SNX13: variants seen among roughly 807,000 people sequenced by gnomAD.
The protein encoded by SNX13 is sorting nexin-13.
Under a neutral mutation model 133.6 loss-of-function variants are expected in SNX13, and 45 were observed. The observed-to-expected ratio is 0.34, with a 90% CI of 0.27 to 0.43. The LOEUF (loss-of-function observed/expected upper bound fraction) is 0.43. Ranked by LOEUF, SNX13 falls within the 20% of genes least tolerant of loss-of-function variation. The pLI, the probability that SNX13 is intolerant of heterozygous loss-of-function variation, is 1.00. For missense variants in SNX13, 1,032 were observed against 1,145.1 expected (o/e 0.90, Z 1.43); for synonymous variants, 414 against 373.9 (o/e 1.11, Z -1.24).
rs568071555 is a variant in SNX13 at position 17,849,374 on chromosome 7, T to C, written c.1065+973A>G. Reference sequence around the variant, plus strand: ...CTCTAATCGCTTCTCACAACCTCCATAGACATCTCTTATCTAGTTTTAAAT... The same window carrying C: ...CTCTAATCGCTTCTCACAACCTCCACAGACATCTCTTATCTAGTTTTAAAT... On this transcript the variant is annotated intron_variant, in intron 11 of 25. Transcript: ENST00000428135. Among the ~76,000 whole-genome samples the C allele has an allele frequency of 1.5e-4, 23 of 152,312 alleles. No homozygotes were observed. In the South Asian group the frequency reaches 1.7e-3, roughly 11 times the overall value.
intron 9 of SNX13, among the ~76,000 whole-genome samples, chr7:17,853,900 C>T (rs1289818726): frequency 6.6e-6 from 1 of 151,716 alleles, no homozygotes; most frequent in African/African-American, 2.4e-5. Context: ...AAAATCGTGC[C>T]ACTGCACTCC....
Position 17,845,639 on chromosome 7 carries a change from AG to A in SNX13, c.1120del (p.Leu374TrpfsTer6). On this transcript the variant is annotated frameshift_variant, in exon 12 of 26. Coordinates refer to ENST00000428135, the MANE Select transcript of SNX13 (RefSeq NM_015132.5). LOFTEE classifies it high-confidence loss of function. ...AACATTGTCTACAAGAATGCTGTCCAGGGGGACTGTGCAAAGTTTCCCAAAG... is the reference window on the plus strand; with the variant it reads ...AACATTGTCTACAAGAATGCTGTCCAGGGGACTGTGCAAAGTTTCCCAAAG... ...ANFGKLCTVP[L>X]DSILVDNVAL... 6.2e-7 allele frequency: 1 copy of A among 1,604,422 alleles called. No homozygotes were observed. Among genetic ancestry groups the A allele is most frequent in the Non-Finnish European group, 8.5e-7 (1 of 1,175,570 alleles).
intron 20 of SNX13, among the ~76,000 whole-genome samples, chr7:17,804,518 G>T (rs1040626576): frequency 1.3e-5 from 2 of 151,834 alleles, no homozygotes; most frequent in African/African-American, 4.8e-5. Context: ...GACTGTAAAA[G>T]GAAATATGAC....
intron 1 of SNX13, among the ~76,000 whole-genome samples, chr7:17,929,238 A>G (rs1801123471): frequency 6.6e-6 from 1 of 152,112 alleles, no homozygotes; most frequent in Non-Finnish European, 1.5e-5. Flanking sequence ...AAAGGAATAG[A>G]GAGAGATATA....
intron 1 of SNX13, among the ~76,000 whole-genome samples, chr7:17,898,550 C>A (rs932679323): frequency 2.6e-5 from 4 of 152,128 alleles, no homozygotes; most frequent in Non-Finnish European, 2.9e-5. Context: ...AATCTACATT[C>A]TAGTAAGGAA....
chr7:17,911,278 G>A (rs747077197), intron 1 of SNX13, among the ~76,000 whole-genome samples: 2 of 152,276 alleles, frequency 1.3e-5, no homozygotes. Flanking sequence ...GAATGTATCT[G>A]AAAAACAAAG....
chr7:17,920,539 T>C (rs1022394960), intron 1 of SNX13, among the ~76,000 whole-genome samples: 1 of 152,330 alleles, frequency 6.6e-6, no homozygotes, highest in East Asian at 1.9e-4. Flanking sequence ...GATGCTCTTA[T>C]ATTTCAAAGT....
chr7:17,932,221 C>A (rs1416373191), intron 1 of SNX13, among the ~76,000 whole-genome samples: 1 of 152,064 alleles, frequency 6.6e-6, no homozygotes, highest in Non-Finnish European at 1.5e-5. Context: ...AAAACAAAAT[C>A]CAAGTCCCTC....
chr7:17,892,859 T>C (rs1796775684), intron 3 of SNX13, among the ~76,000 whole-genome samples: 1 of 152,130 alleles, frequency 6.6e-6, no homozygotes, highest in South Asian at 2.1e-4. Flanking sequence ...GAAAAAATAA[T>C]AGCACCATTC....
At chr7:17,913,379 TCACCCTCACCAAAGGTGAGCA>T (rs752833241) in intron 1 of SNX13, among the ~76,000 whole-genome samples, 3 of 152,088 alleles carry the variant, frequency 2.0e-5, no homozygotes, top group Non-Finnish European at 4.4e-5. Flanking sequence ...TCCAGAAGCT[TCACCCTCACCAAAGGTGAGCA>T]CACCCTCACC....
chr7:17,901,523 A>G (rs1054835442), intron 1 of SNX13, among the ~76,000 whole-genome samples: 1 of 152,132 alleles, frequency 6.6e-6, no homozygotes, highest in African/African-American at 2.4e-5. Context: ...GGACTGGTCC[A>G]AATGCTTCAT....
At position 17,868,542 on chromosome 7, in the gene SNX13, C is replaced by G. The variant is rs949792293; in HGVS notation, c.754-52G>C. On this transcript the variant is annotated intron_variant, in intron 8 of 25. Transcript: ENST00000428135. ...AAATTTAATCTATTTCTGAAATCAA[C>G]AGCATAATGTAAATATTCTAACACA... 25 of 1,347,508 alleles carry G rather than the reference C, an allele frequency of 1.9e-5. No individual in the cohort carries two copies. In the African/African-American group the frequency reaches 3.4e-4, roughly 18 times the overall value. The allele number at this position is 1,347,508 out of a possible 1,614,324, so 83.5% of individuals were successfully genotyped here.
intron 1 of SNX13, 150 bp downstream of exon 1, chr7:17,940,134 G>T: frequency 2.0e-6 from 2 of 1,015,696 alleles, no homozygotes; most frequent in Non-Finnish European, 3.0e-6. Context: ...CCTACTCTGA[G>T]GGCACTTGTA....
intron 22 of SNX13, 66 bp downstream of exon 22, chr7:17,801,521 TA>T: frequency 8.0e-7 from 1 of 1,256,640 alleles, no homozygotes; most frequent in Non-Finnish European, 1.1e-6. Context: ...AACACTTCAT[TA>T]AAAAGTTAAA....
chr7:17,875,943 A>T (rs141842554), intron 5 of SNX13, among the ~76,000 whole-genome samples, 153 bp from the exon 6 acceptor site: 16 of 152,336 alleles, frequency 1.1e-4, no homozygotes, highest in African/African-American at 3.6e-4. Context: ...GTACTGTTTC[A>T]CAAGATTCAA....
chr7:17,828,846 C>T (rs1788183092), intron 16 of SNX13, among the ~76,000 whole-genome samples: 1 of 151,390 alleles, frequency 6.6e-6, no homozygotes, highest in African/African-American at 2.4e-5. Context: ...TACACAAGTA[C>T]TACAAATGTG....
At chr7:17,929,584 A>G (rs1187408631) in intron 1 of SNX13, among the ~76,000 whole-genome samples, 2 of 152,204 alleles carry the variant, frequency 1.3e-5, no homozygotes, top group Non-Finnish European at 2.9e-5. Context: ...TCAACAGAAG[A>G]GCTTATATAA....
At chr7:17,846,367 T>A (rs1207507972) in intron 11 of SNX13, among the ~76,000 whole-genome samples, 3 of 152,116 alleles carry the variant, frequency 2.0e-5, no homozygotes, top group African/African-American at 7.2e-5. Context: ...TGGATATGTA[T>A]CACCACGTCT....
chr7:17,858,277 T>C (rs1029285142), intron 9 of SNX13, among the ~76,000 whole-genome samples: 5 of 152,038 alleles, frequency 3.3e-5, no homozygotes, highest in Non-Finnish European at 7.4e-5. Context: ...TAGAAAAACC[T>C]AAAGATTCCA....
Sources: allele counts gnomAD v4.1 joint callset (sites outside exome capture counted in the v4.1 genomes callset), GRCh38; gene constraint gnomAD v4.1.1; transcripts MANE v1.5; gene names NCBI Gene and HGNC (gene_info 2026-07-23, HGNC 2026-07-21).